Variants in SLK observed in about 807,000 individuals in gnomAD.
SLK encodes the protein STE20 like kinase.
SLK carries 67 observed loss-of-function variants against 147.7 expected under a neutral mutation model. The ratio of observed to expected loss-of-function variants is 0.45; its 90% confidence interval spans 0.37 to 0.56. The LOEUF (loss-of-function observed/expected upper bound fraction) is 0.56. Ranked by LOEUF, SLK falls within the 20% of genes least tolerant of loss-of-function variation. The pLI, the probability that SLK is intolerant of heterozygous loss-of-function variation, is 0.00. For missense variants in SLK, 1,136 were observed against 1,438.8 expected (o/e 0.79, Z 3.41); for synonymous variants, 441 against 475.0 (o/e 0.93, Z 0.93).
chr10:104,020,621 A>G lies in SLK; in HGVS notation c.3447+8A>G, dbSNP rs1209861573. The G allele has an allele frequency of 1.9e-6, 3 of 1,608,686 alleles. No individual in the cohort carries two copies. Among genetic ancestry groups the G allele is most frequent in the Non-Finnish European group, 2.5e-6 (3 of 1,178,364 alleles). On this transcript the variant is annotated splice_region_variant and intron_variant, in intron 17 of 18. Coordinates refer to ENST00000369755, the MANE Select transcript of SLK (RefSeq NM_014720.4). ...GAACTGCATCAGCTGCAGGTCAGAT[A>G]CAGAAGCCTGACAGCAAAGCCCATA... is the stretch of plus-strand genomic sequence containing the variant.
rs1731809391 is a variant in SLK at position 104,027,085 on chromosome 10, C to A, written c.*1365C>A. On this transcript the variant is annotated 3_prime_UTR_variant, in exon 19 of 19. Coordinates refer to ENST00000369755, the MANE Select transcript of SLK (RefSeq NM_014720.4). ...ATTCTCTCTTAAGAGTGCTAGGTAC[C>A]AAATTGTGAAAGTTTGTTTTCAGTT... 1.3e-5 allele frequency: 2 copies of A among 152,160 alleles called. No homozygotes were observed. Among genetic ancestry groups the A allele is most frequent in the Admixed American group, 1.3e-4 (2 of 15,280 alleles). 9.4% of individuals were successfully genotyped at this position (152,160 alleles called of 1,614,324 possible).
At chr10:104,019,314 C>T (rs1844504497) in intron 15 of SLK, among the ~76,000 whole-genome samples, 1 of 152,102 alleles carries the variant, frequency 6.6e-6, no homozygotes, top group South Asian at 2.1e-4. Flanking sequence ...CGCTCTGTCA[C>T]CTGGGCTGGA....
At chr10:104,022,442 A>G (rs1844547897) in intron 18 of SLK, among the ~76,000 whole-genome samples, 1 of 152,100 alleles carries the variant, frequency 6.6e-6, no homozygotes, top group African/African-American at 2.4e-5. Context: ...TCACTATATG[A>G]TCTCTGACCC....
intron 13 of SLK, among the ~76,000 whole-genome samples, chr10:104,014,616 T>C (rs1844439054): frequency 1.3e-5 from 2 of 152,210 alleles, no homozygotes; most frequent in African/African-American, 4.8e-5. Flanking sequence ...TTTCTGATCA[T>C]TACCATTTTT....
At chr10:104,018,021 T>G in intron 13 of SLK, 139 bp from the exon 14 acceptor site, 2 of 616,914 alleles carry the variant, frequency 3.2e-6, no homozygotes, top group Non-Finnish European at 5.6e-6. Context: ...ACTATATAAT[T>G]TTAGTGATTT....
chr10:104,017,154 A>AG (rs1844474927), intron 13 of SLK, among the ~76,000 whole-genome samples: 1 of 152,236 alleles, frequency 6.6e-6, no homozygotes, highest in Admixed American at 6.5e-5. Context: ...GCATTCGGGT[A>AG]GATAGTATGT....
chr10:103,985,097 A>G lies in SLK; in HGVS notation c.151-5578A>G, dbSNP rs150826224. On this transcript the variant is annotated intron_variant, in intron 1 of 18. Coordinates refer to ENST00000369755, the MANE Select transcript of SLK (RefSeq NM_014720.4). The stretch of plus-strand genomic sequence containing the variant: ...TCATTCACATAATTTTTATGATAGT[A>G]TATTGTTACAGTTGTTCTATTTTAT... Among the ~76,000 whole-genome samples, 613 of 152,316 alleles carry G rather than the reference A, an allele frequency of 4.0e-3. 2 individuals are homozygous for G. Among genetic ancestry groups the G allele is most frequent in the South Asian group, 0.012 (57 of 4,818 alleles).
chr10:104,001,864 C>G (rs557234293), intron 8 of SLK, among the ~76,000 whole-genome samples: 1 of 151,940 alleles, frequency 6.6e-6, no homozygotes, highest in African/African-American at 2.4e-5. Flanking sequence ...TACAGGCATG[C>G]GCCACCACAC....
In SLK at chr10:104,005,909, C is replaced by A; in HGVS notation, c.2481-3C>A. On this transcript the variant is annotated splice_region_variant and splice_polypyrimidine_tract_variant and intron_variant, in intron 10 of 18. Coordinates refer to ENST00000369755, the MANE Select transcript of SLK (RefSeq NM_014720.4). ...CTCTATCATTACCATTAAATTTTAT[C>A]AGACGTCAGGAACTTCGGGAATTAA... is the stretch of plus-strand genomic sequence containing the variant. The A allele has an allele frequency of 6.3e-7, 1 of 1,598,870 alleles. No homozygotes were observed. Among genetic ancestry groups the A allele is most frequent in the African/African-American group, 1.4e-5 (1 of 73,656 alleles).
intron 1 of SLK, among the ~76,000 whole-genome samples, chr10:103,977,347 A>G (rs1289988587): frequency 1.3e-5 from 2 of 152,222 alleles, no homozygotes; most frequent in Non-Finnish European, 2.9e-5. Context: ...GCAGTGACTC[A>G]TGCCTGTAAT....
In SLK at chr10:103,992,869, T is replaced by G; in HGVS notation, c.365-115T>G. Reference sequence around the variant, plus strand: ...CTTTGTAGATATAGTTCTTTTAAAATAAATTCCCTGCATATGATCTTTGAC... The same window carrying G: ...CTTTGTAGATATAGTTCTTTTAAAAGAAATTCCCTGCATATGATCTTTGAC... On this transcript the variant is annotated intron_variant, in intron 3 of 18. Transcript: ENST00000369755. The G allele has an allele frequency of 8.5e-6, 6 of 705,724 alleles. No homozygotes were observed. The South Asian group carries it at 1.2e-4, about 14-fold the overall frequency. 43.7% of individuals were successfully genotyped at this position (705,724 alleles called of 1,614,324 possible). A position where few individuals can be genotyped will look rare whatever the true frequency, so the allele number is the denominator to read the frequency against.
intron 8 of SLK, 144 bp downstream of exon 8, chr10:104,001,716 G>A: frequency 2.3e-6 from 2 of 852,818 alleles, no homozygotes; most frequent in Non-Finnish European, 3.7e-6. Flanking sequence ...GCTCGTCGCT[G>A]CACATTTTTG....
intron 1 of SLK, among the ~76,000 whole-genome samples, chr10:103,975,893 A>C (rs1843863805): frequency 1.3e-5 from 2 of 152,004 alleles, no homozygotes; most frequent in South Asian, 4.1e-4. Context: ...TGGGCAACAT[A>C]GGGAGACCCC....
In SLK at chr10:104,005,707, A is replaced by T; in HGVS notation, c.2480+16A>T. On this transcript the variant is annotated intron_variant, in intron 10 of 18. Transcript: ENST00000369755. ...GGTTTCTTAGGTGAGTAGAGAAACAACGTAATTAAAACTGGTTTGTGACTT... is the reference window on the plus strand; with the variant it reads ...GGTTTCTTAGGTGAGTAGAGAAACATCGTAATTAAAACTGGTTTGTGACTT... 6.2e-7 allele frequency: 1 copy of T among 1,604,990 alleles called. No individual in the cohort carries two copies. Among genetic ancestry groups the T allele is most frequent in the Non-Finnish European group, 8.5e-7 (1 of 1,176,024 alleles).
chr10:103,996,544 G>T (rs1844177361), intron 4 of SLK, among the ~76,000 whole-genome samples: 1 of 151,480 alleles, frequency 6.6e-6, no homozygotes, highest in Non-Finnish European at 1.5e-5. Context: ...GACTACAGGC[G>T]CCCGTCACCA....
intron 13 of SLK, among the ~76,000 whole-genome samples, chr10:104,015,705 A>G (rs1037802286): frequency 6.6e-6 from 1 of 152,238 alleles, no homozygotes; most frequent in African/African-American, 2.4e-5. Flanking sequence ...TGTTTAATTT[A>G]GACATAAATA....
In SLK at chr10:103,967,968, C is replaced by T. The variant is rs1031669538; in HGVS notation, c.150+73C>T. ...CTGGCCTGGAGTGGCGGGAGGACTTCTGCTCCCCTGGTCCTTATCCTGTCC... is the reference window on the plus strand; with the variant it reads ...CTGGCCTGGAGTGGCGGGAGGACTTTTGCTCCCCTGGTCCTTATCCTGTCC... On this transcript the variant is annotated intron_variant, in intron 1 of 18. Transcript: ENST00000369755. 7.9e-5 allele frequency: 116 copies of T among 1,464,380 alleles called. No individual in the cohort carries two copies. The African/African-American group carries it at 1.5e-3, about 19-fold the overall frequency. The allele number at this position is 1,464,380 out of a possible 1,614,324, so 90.7% of individuals were successfully genotyped here. A position where few individuals can be genotyped will look rare whatever the true frequency, so the allele number is the denominator to read the frequency against.
intron 18 of SLK, among the ~76,000 whole-genome samples, chr10:104,024,629 A>G (rs2134542171): frequency 6.6e-6 from 1 of 152,250 alleles, no homozygotes; most frequent in African/African-American, 2.4e-5. Context: ...CACTAAGCTC[A>G]TGTTTCACCT....
intron 12 of SLK, 94 bp from the exon 13 acceptor site, chr10:104,010,722 C>T (rs1844388471): frequency 1.4e-6 from 1 of 732,184 alleles, no homozygotes; most frequent in Non-Finnish European, 2.1e-6. Flanking sequence ...TTTTTAACAA[C>T]TTTAATATTT....
Sources: gnomAD v4.1 joint callset for allele counts (sites outside exome capture counted in the v4.1 genomes callset) on GRCh38, gnomAD v4.1.1 for gene constraint, MANE v1.5 for transcripts, NCBI Gene and HGNC (gene_info 2026-07-23, HGNC 2026-07-21) for gene names.